NOS1AP: variants seen among roughly 807,000 people sequenced by gnomAD.
NOS1AP encodes nitric oxide synthase 1 adaptor protein.
In NOS1AP, 21 loss-of-function variants were observed where a neutral mutation model predicts 56.2. The observed-to-expected ratio is 0.37, with a 90% CI of 0.26 to 0.54. NOS1AP has a LOEUF of 0.54. Among genes scored for constraint, NOS1AP ranks in the 20% least tolerant of loss-of-function variants. The pLI is 0.84. For synonymous variants in NOS1AP, 270 were observed against 274.6 expected, an observed-to-expected ratio of 0.98 and a Z score of 0.17; for missense variants, 522 against 657.8, an observed-to-expected ratio of 0.79 and a Z score of 2.26.
chr1:162,106,898 A>G (rs970145198), intron 1 of NOS1AP, among the ~76,000 whole-genome samples: 11 of 152,220 alleles, frequency 7.2e-5, no homozygotes, highest in Non-Finnish European at 1.5e-4. Context: ...AATTCCTAGA[A>G]TCCTCTAGGA....
At chr1:162,307,829 A>G (rs1024690972) in intron 4 of NOS1AP, among the ~76,000 whole-genome samples, 82 of 152,262 alleles carry the variant, frequency 5.4e-4, no homozygotes, top group African/African-American at 1.9e-3. Flanking sequence ...AAAAAAAAAA[A>G]AAGAATTAGA....
At chr1:162,351,866 A>T (rs1487235743) in intron 6 of NOS1AP, among the ~76,000 whole-genome samples, 1 of 152,002 alleles carries the variant, frequency 6.6e-6, no homozygotes, top group African/African-American at 2.4e-5. Flanking sequence ...TTCAACCTCC[A>T]GTAATCTGGT....
At chr1:162,237,617 A>G (rs1653342280) in intron 2 of NOS1AP, among the ~76,000 whole-genome samples, 1 of 152,236 alleles carries the variant, frequency 6.6e-6, no homozygotes, top group Admixed American at 6.5e-5. Flanking sequence ...AACACAGAAA[A>G]TTGACAGTTG....
In NOS1AP at chr1:162,287,220, C is replaced by T. The variant is rs1655117266; in HGVS notation, c.178-124C>T. On this transcript the variant is annotated intron_variant, in intron 2 of 9. Transcript: ENST00000361897. ...TTTACATCCCCCGAGGTGCTCCCTG[C>T]CCCCAGGAGCTATTCCCCACACCTG... The T allele has an allele frequency of 1.4e-5, 10 of 699,538 alleles. No homozygotes were observed. In the Admixed American group the frequency reaches 2.0e-4, roughly 14 times the overall value. 43.3% of individuals were successfully genotyped at this position (699,538 alleles called of 1,614,324 possible).
At chr1:162,321,927 G>T (rs932164636) in intron 4 of NOS1AP, among the ~76,000 whole-genome samples, 3 of 149,806 alleles carry the variant, frequency 2.0e-5, no homozygotes, top group Non-Finnish European at 4.5e-5. Context: ...GAGAAGGGGG[G>T]ACAAGGACTG....
chr1:162,099,887 G>A lies in NOS1AP; in HGVS notation c.105+29605G>A, dbSNP rs534895064. Among the ~76,000 whole-genome samples the A allele has an allele frequency of 2.6e-5, 4 of 151,588 alleles. No individual in the cohort carries two copies. In the East Asian group the frequency reaches 5.8e-4, roughly 22 times the overall value. On this transcript the variant is annotated intron_variant, in intron 1 of 9. Transcript: ENST00000361897. The stretch of plus-strand genomic sequence containing the variant: ...TATGAGTGAGAACATGCGGTGTTTG[G>A]TTTTTTGTCCTTGCGATAGTTTGCT...
rs61378473 is a variant in NOS1AP at position 162,217,267 on chromosome 1, C to CTTTTTTTTTTTTTTTTTTTTTT, written c.177+62805_177+62806insTTTTTTTTTTTTTTTTTTTTTT. Reference sequence around the variant, plus strand: ...TGGGTCCTGAAACAGCTGTTGTTAGCTTTTTTTTTTTTTTGAGATGAAGTC... The same window carrying CTTTTTTTTTTTTTTTTTTTTTT: ...TGGGTCCTGAAACAGCTGTTGTTAGCTTTTTTTTTTTTTTTTTTTTTTTTTTTTTTTTTTTTGAGATGAAGTC... On this transcript the variant is annotated intron_variant, in intron 2 of 9. Transcript: ENST00000361897. Among the ~76,000 whole-genome samples the CTTTTTTTTTTTTTTTTTTTTTT allele has an allele frequency of 1.0e-3, 70 of 68,378 alleles. 16 individuals are homozygous for CTTTTTTTTTTTTTTTTTTTTTT. The highest frequency in any genetic ancestry group is 1.7e-3 in the South Asian group (3 of 1,756). 44.9% of individuals were successfully genotyped at this position (68,378 alleles called of 152,430 possible).
At chr1:162,095,553 A>C (rs1479766503) in intron 1 of NOS1AP, among the ~76,000 whole-genome samples, 1 of 152,242 alleles carries the variant, frequency 6.6e-6, no homozygotes, top group Non-Finnish European at 1.5e-5. Flanking sequence ...CAAGGAAAGA[A>C]TGTAGTAATT....
chr1:162,306,440 C>A (rs373480372), intron 4 of NOS1AP, among the ~76,000 whole-genome samples: 1 of 152,276 alleles, frequency 6.6e-6, no homozygotes, highest in African/African-American at 2.4e-5. Context: ...ATTATGACCT[C>A]CAGCACATAA....
chr1:162,202,469 C>T (rs1355404451), intron 2 of NOS1AP, among the ~76,000 whole-genome samples: 2 of 151,886 alleles, frequency 1.3e-5, no homozygotes, highest in African/African-American at 4.8e-5. Flanking sequence ...AACATTTAAC[C>T]TTACATTTAA....
At chr1:162,227,138 A>G (rs1652971194) in intron 2 of NOS1AP, among the ~76,000 whole-genome samples, 1 of 152,240 alleles carries the variant, frequency 6.6e-6, no homozygotes, top group Non-Finnish European at 1.5e-5. Context: ...TTCCAACATT[A>G]CAGAGTTATC....
At chr1:162,292,142 A>G (rs972632235) in intron 3 of NOS1AP, among the ~76,000 whole-genome samples, 9 of 152,226 alleles carry the variant, frequency 5.9e-5, no homozygotes, top group Non-Finnish European at 1.3e-4. Context: ...TAGGTTACAT[A>G]AGGATATTAG....
intron 1 of NOS1AP, among the ~76,000 whole-genome samples, chr1:162,112,731 GAT>G (rs1350563875): frequency 1.3e-5 from 2 of 152,280 alleles, no homozygotes; most frequent in African/African-American, 2.4e-5. Context: ...CTGAAAAAGG[GAT>G]ATGTTTTTCC....
intron 2 of NOS1AP, among the ~76,000 whole-genome samples, chr1:162,201,447 A>AT (rs1407427121): frequency 6.6e-6 from 1 of 152,104 alleles, no homozygotes; most frequent in Non-Finnish European, 1.5e-5. Flanking sequence ...AACAATTTAT[A>AT]TTTTTTTGAG....
At chr1:162,232,288 G>A (rs1653146061) in intron 2 of NOS1AP, among the ~76,000 whole-genome samples, 1 of 152,128 alleles carries the variant, frequency 6.6e-6, no homozygotes, top group African/African-American at 2.4e-5. Context: ...TATGGGACAA[G>A]GGAAGGTGGT....
rs546400616 is a variant in NOS1AP, at chr1:162,339,889, T to C, written c.454-3946T>C. 3.3e-5 allele frequency among the ~76,000 whole-genome samples: 5 copies of C among 152,276 alleles called. No homozygotes were observed. In the South Asian group the frequency reaches 1.0e-3, roughly 32 times the overall value. On this transcript the variant is annotated intron_variant, in intron 5 of 9. Coordinates refer to ENST00000361897, the MANE Select transcript of NOS1AP (RefSeq NM_014697.3). The stretch of plus-strand genomic sequence containing the variant: ...GCCTCTACTGACCACCTTTAAGTAA[T>C]CACCTCCCTAACGAGGTCCCCATAT...
chr1:162,356,910 C>G, intron 7 of NOS1AP, 50 bp from the exon 8 acceptor site: 1 of 1,613,076 alleles, frequency 6.2e-7, no homozygotes, highest in Non-Finnish European at 8.5e-7. Context: ...GGAGGCCCCT[C>G]AAGATGGCTC....
intron 2 of NOS1AP, among the ~76,000 whole-genome samples, chr1:162,206,613 G>A (rs765472647): frequency 4.6e-5 from 7 of 152,198 alleles, no homozygotes; most frequent in Non-Finnish European, 8.8e-5. Context: ...GGGATTGTGA[G>A]TTTTTGTATC....
intron 2 of NOS1AP, among the ~76,000 whole-genome samples, chr1:162,222,627 T>C (rs780700774): frequency 5.3e-5 from 8 of 152,230 alleles, no homozygotes; most frequent in Admixed American, 6.5e-5. Flanking sequence ...CTACTCAACT[T>C]AGTTCATAAC....
Sources: allele counts gnomAD v4.1 joint callset (sites outside exome capture counted in the v4.1 genomes callset), GRCh38; gene constraint gnomAD v4.1.1; transcripts MANE v1.5; gene names NCBI Gene and HGNC (gene_info 2026-07-23, HGNC 2026-07-21).